Variants in SHLD1 observed in about 807,000 individuals in gnomAD.
The protein encoded by SHLD1 is RINN1-REV7-interacting novel NHEJ regulator 3.
Under a neutral mutation model 5.5 loss-of-function variants are expected in SHLD1, and 3 were observed. That is an observed-to-expected ratio of 0.54 (90% CI 0.25 to 1.40). The LOEUF is 1.40. Among genes scored for constraint, SHLD1 ranks in the 40% most tolerant of loss-of-function variants. SHLD1 has a pLI of 0.15. For missense variants in SHLD1, 210 were observed against 244.4 expected, an observed-to-expected ratio of 0.86 and a Z score of 0.94; for synonymous variants, 92 against 94.3, an observed-to-expected ratio of 0.98 and a Z score of 0.14.
intron 2 of SHLD1, among the ~76,000 whole-genome samples, chr20:5,837,484 G>T (rs1280534026): frequency 6.9e-6 from 1 of 145,890 alleles, no homozygotes; most frequent in Admixed American, 6.9e-5. Flanking sequence ...ACCTCCAACA[G>T]GCCCCGCTGT....
chr20:5,811,234 G>A (rs2122374827), intron 2 of SHLD1, among the ~76,000 whole-genome samples: 1 of 152,314 alleles, frequency 6.6e-6, no homozygotes, highest in African/African-American at 2.4e-5. Flanking sequence ...ATAAGTGACA[G>A]TTCCAAGACA....
intron 2 of SHLD1, among the ~76,000 whole-genome samples, chr20:5,828,263 G>A (rs971828112): frequency 2.6e-5 from 4 of 152,124 alleles, no homozygotes; most frequent in East Asian, 1.9e-4. Context: ...CTTTAACTCC[G>A]TAAGGGCAGG....
intron 2 of SHLD1, among the ~76,000 whole-genome samples, chr20:5,851,368 G>A (rs1470050134): frequency 6.6e-6 from 1 of 152,036 alleles, no homozygotes; most frequent in African/African-American, 2.4e-5. Context: ...GTGCATGCCT[G>A]CAGTTCTAGC....
At chr20:5,861,544 G>A (rs1342009493) in intron 2 of SHLD1, among the ~76,000 whole-genome samples, 4 of 152,182 alleles carry the variant, frequency 2.6e-5, no homozygotes, top group Non-Finnish European at 5.9e-5. Flanking sequence ...AAGAACACAT[G>A]TCCATATTCT....
intron 2 of SHLD1, among the ~76,000 whole-genome samples, chr20:5,820,262 T>C (rs1441349911): frequency 6.6e-6 from 1 of 152,216 alleles, no homozygotes; most frequent in Admixed American, 6.5e-5. Context: ...ATTAAATGCT[T>C]CAAATATATG....
intron 2 of SHLD1, among the ~76,000 whole-genome samples, chr20:5,862,649 G>A (rs2088178406): frequency 1.3e-5 from 2 of 152,220 alleles, no homozygotes. Flanking sequence ...TACAGGTACT[G>A]CTATTAATAC....
intron 1 of SHLD1, among the ~76,000 whole-genome samples, chr20:5,755,925 A>G (rs1449498322): frequency 6.6e-6 from 1 of 152,134 alleles, no homozygotes; most frequent in African/African-American, 2.4e-5. Flanking sequence ...ATTTCAAACT[A>G]TGACAAAGAA....
rs150414220 is a variant in SHLD1 at position 5,834,176 on chromosome 20, C to T, written c.179-28848C>T. On this transcript the variant is annotated intron_variant, in intron 2 of 2. Coordinates refer to ENST00000303142, the MANE Select transcript of SHLD1 (RefSeq NM_152504.4). ...CCTGTCTGAGCCTTCTCCTGGAGGC[C>T]GGGAGGGTGTCAGGACTTAGCAGGG... is the stretch of plus-strand genomic sequence containing the variant. 4.9e-3 allele frequency among the ~76,000 whole-genome samples: 752 copies of T among 152,174 alleles called. 7 individuals are homozygous for T. Among genetic ancestry groups the T allele is most frequent in the African/African-American group, 0.017 (708 of 41,524 alleles).
Position 5,756,155 on chromosome 20 carries a change from T to A in SHLD1, c.-5+5676T>A, listed in dbSNP as rs570528694. 2.4e-4 allele frequency among the ~76,000 whole-genome samples: 36 copies of A among 152,148 alleles called. No individual in the cohort carries two copies. In the South Asian group the frequency reaches 4.2e-3, roughly 18 times the overall value. Reference sequence around the variant, plus strand: ...TCTGACCCCCCTTTCCATCATCGCCTGAACTAGTTTTTCAGGTTTTCTTTG... The same window carrying A: ...TCTGACCCCCCTTTCCATCATCGCCAGAACTAGTTTTTCAGGTTTTCTTTG... On this transcript the variant is annotated intron_variant, in intron 1 of 2. Transcript: ENST00000303142.
At position 5,864,262 on chromosome 20, in the gene SHLD1, A is replaced by T. The variant is rs2088200036; in HGVS notation, c.*799A>T. On this transcript the variant is annotated 3_prime_UTR_variant, in exon 3 of 3. Coordinates refer to ENST00000303142, the MANE Select transcript of SHLD1 (RefSeq NM_152504.4). ...AATCTCTTGTCTTTTATCAGATTGC[A>T]AACGTGAAAGGTGAGAAGGTAACAA... Among the ~76,000 whole-genome samples, 1 of 152,240 alleles carries T rather than the reference A, an allele frequency of 6.6e-6. No homozygotes were observed. Among genetic ancestry groups the T allele is most frequent in the Admixed American group, 6.5e-5 (1 of 15,288 alleles).
At position 5,786,732 on chromosome 20, in the gene SHLD1, C is replaced by T. The variant is rs568244741; in HGVS notation, c.178+13689C>T. 2.6e-5 allele frequency among the ~76,000 whole-genome samples: 4 copies of T among 152,340 alleles called. No homozygotes were observed. In the East Asian group the frequency reaches 7.7e-4, roughly 29 times the overall value. ...GAAGAATCTAGACAGACAGGCCTTG[C>T]TGGGCTCCCCACTGAATCTATTAAC... On this transcript the variant is annotated intron_variant, in intron 2 of 2. Coordinates refer to ENST00000303142, the MANE Select transcript of SHLD1 (RefSeq NM_152504.4).
At chr20:5,822,333 C>T (rs1261594698) in intron 2 of SHLD1, among the ~76,000 whole-genome samples, 1 of 152,032 alleles carries the variant, frequency 6.6e-6, no homozygotes, top group African/African-American at 2.4e-5. Context: ...GTGACGGGTG[C>T]CTGTAGTGCC....
At chr20:5,792,349 T>G (rs2122308777) in intron 2 of SHLD1, among the ~76,000 whole-genome samples, 1 of 152,280 alleles carries the variant, frequency 6.6e-6, no homozygotes, top group Admixed American at 6.5e-5. Flanking sequence ...TTTAATCCAT[T>G]TTTGAATTAA....
intron 2 of SHLD1, among the ~76,000 whole-genome samples, chr20:5,846,667 C>T (rs1350186311): frequency 6.6e-6 from 1 of 152,176 alleles, no homozygotes; most frequent in African/African-American, 2.4e-5. Flanking sequence ...AAATTGCCTC[C>T]CTGGTTCTCT....
intron 2 of SHLD1, among the ~76,000 whole-genome samples, chr20:5,853,033 T>C (rs2088032446): frequency 6.6e-6 from 1 of 152,184 alleles, no homozygotes; most frequent in African/African-American, 2.4e-5. Context: ...AGGTCTATTG[T>C]GTATTAAAGG....
chr20:5,812,799 C>T (rs1403339477), intron 2 of SHLD1, among the ~76,000 whole-genome samples: 1 of 152,168 alleles, frequency 6.6e-6, no homozygotes. Flanking sequence ...GCTGCAGACC[C>T]TGTTCCTAGG....
intron 2 of SHLD1, among the ~76,000 whole-genome samples, chr20:5,822,328 G>A (rs1398602340): frequency 6.6e-6 from 1 of 152,036 alleles, no homozygotes; most frequent in Non-Finnish European, 1.5e-5. Flanking sequence ...GCGTGGTGAC[G>A]GGTGCCTGTA....
chr20:5,824,898 G>A (rs753672732), intron 2 of SHLD1, among the ~76,000 whole-genome samples: 24 of 152,036 alleles, frequency 1.6e-4, no homozygotes, highest in Admixed American at 1.4e-3. Flanking sequence ...TGACTGCTAC[G>A]GTCACTCGAA....
chr20:5,839,485 A>AT (rs1329272547), intron 2 of SHLD1, among the ~76,000 whole-genome samples: 57 of 117,180 alleles, frequency 4.9e-4, no homozygotes, highest in African/African-American at 1.7e-3. Context: ...AATTAGATAG[A>AT]AAGATAGATA....
Sources: gnomAD v4.1 joint callset for allele counts (sites outside exome capture counted in the v4.1 genomes callset) on GRCh38, gnomAD v4.1.1 for gene constraint, MANE v1.5 for transcripts, NCBI Gene and HGNC (gene_info 2026-07-23, HGNC 2026-07-21) for gene names.